Variants in IQCH observed in about 807,000 individuals in gnomAD.
IQCH encodes the protein IQ motif containing H.
Under a neutral mutation model 117.0 loss-of-function variants are expected in IQCH, and 98 were observed. That is an observed-to-expected ratio of 0.84 (90% confidence interval 0.71 to 0.99). The LOEUF (loss-of-function observed/expected upper bound fraction) is 0.99, where lower values mean the gene tolerates loss of function less well. IQCH is among the 50% of genes least tolerant of loss of function. The pLI, the probability that IQCH is intolerant of heterozygous loss-of-function variation, is 0.00. For missense variants in IQCH, 1,102 were observed against 1,243.8 expected, an observed-to-expected ratio of 0.89 and a Z score of 1.72; for synonymous variants, 412 against 448.2, an observed-to-expected ratio of 0.92 and a Z score of 1.02.
At chr15:67,469,725 TTAC>T (rs1334884530) in intron 17 of IQCH, among the ~76,000 whole-genome samples, 2 of 152,248 alleles carry the variant, frequency 1.3e-5, no homozygotes, top group Non-Finnish European at 2.9e-5. Context: ...CCCGAGTACT[TTAC>T]TAAGTGCTTT....
intron 16 of IQCH, among the ~76,000 whole-genome samples, chr15:67,439,089 C>T (rs2140960526): frequency 6.6e-6 from 1 of 152,308 alleles, no homozygotes; most frequent in East Asian, 1.9e-4. Context: ...TTTCATCCAA[C>T]AACTGCAGAA....
chr15:67,461,290 T>A (rs1199296355), intron 16 of IQCH, among the ~76,000 whole-genome samples: 2 of 152,212 alleles, frequency 1.3e-5, no homozygotes, highest in Non-Finnish European at 2.9e-5. Flanking sequence ...CAGTGAATAT[T>A]TGCTGCATTT....
chr15:67,451,487 T>C (rs2082525749), intron 16 of IQCH, among the ~76,000 whole-genome samples: 1 of 152,194 alleles, frequency 6.6e-6, no homozygotes, highest in Non-Finnish European at 1.5e-5. Context: ...ATTTACCCAG[T>C]AGTCATTCAG....
At position 67,296,314 on chromosome 15, in the gene IQCH, C is replaced by T. The variant is rs539602095; in HGVS notation, c.387+16802C>T. Among the ~76,000 whole-genome samples, 6 of 152,196 alleles carry T rather than the reference C, an allele frequency of 3.9e-5. No homozygotes were observed. The South Asian group carries it at 1.2e-3, about 32-fold the overall frequency. On this transcript the variant is annotated intron_variant, in intron 4 of 20. Transcript: ENST00000335894. ...ACTGAAGAGGGAAGAGGAAGACATT[C>T]GCAGAAGAGGGAACAGCATGCTCAC...
chr15:67,315,146 C>G (rs76173081), intron 4 of IQCH, among the ~76,000 whole-genome samples: 3,598 of 152,274 alleles, frequency 0.024, 54 homozygotes, highest in Middle Eastern at 0.068. Context: ...TTTATGTATT[C>G]TGAGGAGAGC....
chr15:67,292,549 G>C (rs1966787923), intron 4 of IQCH, among the ~76,000 whole-genome samples: 1 of 151,988 alleles, frequency 6.6e-6, no homozygotes, highest in Non-Finnish European at 1.5e-5. Flanking sequence ...CAGCTCCCAG[G>C]CTTCATTATA....
In IQCH at chr15:67,449,493, A is replaced by G. The variant is rs1383743930; in HGVS notation, c.2506-15634A>G. On this transcript the variant is annotated intron_variant, in intron 16 of 20. Coordinates refer to ENST00000335894, the MANE Select transcript of IQCH (RefSeq NM_001031715.3). ...TTATTAAATAGGGAATCCTTTCCCC[A>G]TTGCTTGTTTTTGTCAGGTTTGTCA... 4.6e-5 allele frequency among the ~76,000 whole-genome samples: 7 copies of G among 152,244 alleles called. No homozygotes were observed. In the East Asian group the frequency reaches 1.3e-3, roughly 29 times the overall value.
Position 67,362,128 on chromosome 15 carries a change from T to TAA in IQCH, c.753+2244_753+2245dup, listed in dbSNP as rs557327016. Among the ~76,000 whole-genome samples, 123 of 131,342 alleles carry TAA rather than the reference T, an allele frequency of 9.4e-4. 3 individuals are homozygous for TAA. In the South Asian group the frequency reaches 0.033, roughly 35 times the overall value. 86.2% of individuals were successfully genotyped at this position (131,342 alleles called of 152,430 possible). A position where few individuals can be genotyped will look rare whatever the true frequency, so the allele number is the denominator to read the frequency against. On this transcript the variant is annotated intron_variant, in intron 8 of 20. Coordinates refer to ENST00000335894, the MANE Select transcript of IQCH (RefSeq NM_001031715.3). ...AGAGGATGTTAACTTTATATATATATAACATACATATACGCACACACCACA... is the reference window on the plus strand; with the variant it reads ...AGAGGATGTTAACTTTATATATATATAAAACATACATATACGCACACACCACA...
chr15:67,295,012 G>A (rs1022739426), intron 4 of IQCH, among the ~76,000 whole-genome samples: 1 of 152,086 alleles, frequency 6.6e-6, no homozygotes, highest in Non-Finnish European at 1.5e-5. Flanking sequence ...CAAATTTCAG[G>A]TGGGCACTAA....
At chr15:67,410,361 A>T (rs1475509824) in intron 14 of IQCH, among the ~76,000 whole-genome samples, 3 of 152,156 alleles carry the variant, frequency 2.0e-5, no homozygotes, top group Non-Finnish European at 4.4e-5. Flanking sequence ...GTCACCAAGG[A>T]CCCAGTTACT....
At chr15:67,394,457 T>C (rs1971391713) in intron 12 of IQCH, among the ~76,000 whole-genome samples, 1 of 152,202 alleles carries the variant, frequency 6.6e-6, no homozygotes, top group African/African-American at 2.4e-5. Flanking sequence ...ACTCGGCAGA[T>C]CCTTATGGCC....
At chr15:67,274,725 C>G (rs1238288490) in intron 3 of IQCH, among the ~76,000 whole-genome samples, 1 of 152,062 alleles carries the variant, frequency 6.6e-6, no homozygotes, top group Non-Finnish European at 1.5e-5. Context: ...GCCTGTATGT[C>G]TGTTTCTTTG....
intron 4 of IQCH, among the ~76,000 whole-genome samples, chr15:67,314,719 C>T (rs967232635): frequency 6.6e-6 from 1 of 152,180 alleles, no homozygotes; most frequent in African/African-American, 2.4e-5. Context: ...CACAGGCCTT[C>T]CCTCCAGGAG....
At chr15:67,315,592 T>C (rs896580986) in intron 4 of IQCH, among the ~76,000 whole-genome samples, 13 of 152,268 alleles carry the variant, frequency 8.5e-5, no homozygotes, top group South Asian at 6.2e-4. Context: ...TCTCCAGTCA[T>C]TCAATTAGTA....
intron 3 of IQCH, among the ~76,000 whole-genome samples, chr15:67,265,984 G>C (rs1344052662): frequency 1.3e-5 from 2 of 152,094 alleles, no homozygotes; most frequent in African/African-American, 4.8e-5. Context: ...TGAAGAGTGG[G>C]CTGCTTAATC....
At chr15:67,309,904 A>T (rs1967500245) in intron 4 of IQCH, among the ~76,000 whole-genome samples, 1 of 149,768 alleles carries the variant, frequency 6.7e-6, no homozygotes, top group Non-Finnish European at 1.5e-5. Context: ...CAAGATAATG[A>T]TGCCTACTAG....
intron 4 of IQCH, chr15:67,281,877 C>T: frequency 2.4e-6 from 1 of 410,458 alleles, no homozygotes; most frequent in South Asian, 1.8e-5. Context: ...GTGTGCTCAT[C>T]TGCATGTAAA....
intron 17 of IQCH, among the ~76,000 whole-genome samples, chr15:67,471,685 C>A (rs1343165981): frequency 1.3e-5 from 2 of 152,194 alleles, no homozygotes; most frequent in Non-Finnish European, 2.9e-5. Context: ...AAAATAATTG[C>A]TAACATTTAT....
At chr15:67,484,077 CT>C (rs1251154777) in intron 18 of IQCH, among the ~76,000 whole-genome samples, 2 of 151,542 alleles carry the variant, frequency 1.3e-5, no homozygotes, top group Non-Finnish European at 2.9e-5. Flanking sequence ...GAAGGAAAAC[CT>C]TTAAATAGAC....
Sources: gnomAD v4.1 joint callset for allele counts (sites outside exome capture counted in the v4.1 genomes callset) on GRCh38, gnomAD v4.1.1 for gene constraint, MANE v1.5 for transcripts, NCBI Gene and HGNC (gene_info 2026-07-23, HGNC 2026-07-21) for gene names.